Variants in ZRANB3 observed in about 807,000 individuals in gnomAD.
ZRANB3 encodes the protein zinc finger RANBP2-type containing 3, also known as DNA annealing helicase and endonuclease ZRANB3.
A neutral mutation model predicts 133.8 loss-of-function variants in ZRANB3; 125 were observed. The observed-to-expected ratio is 0.93, with a 90% CI of 0.81 to 1.08. The LOEUF (loss-of-function observed/expected upper bound fraction) is 1.08, where lower values mean the gene tolerates loss of function less well. ZRANB3 is among the 50% of genes least tolerant of loss of function. The pLI is 0.00. For missense variants in ZRANB3, 1,229 were observed against 1,275.5 expected (o/e 0.96, Z 0.56); for synonymous variants, 387 against 432.7 (o/e 0.89, Z 1.31).
intron 1 of ZRANB3, among the ~76,000 whole-genome samples, chr2:135,528,058 T>C (rs1222368765): frequency 6.6e-6 from 1 of 152,122 alleles, no homozygotes; most frequent in Non-Finnish European, 1.5e-5. Flanking sequence ...AGATGAATAG[T>C]GGTTAAGAGT....
chr2:135,285,073 G>A (rs983521855), intron 8 of ZRANB3, among the ~76,000 whole-genome samples: 5 of 149,736 alleles, frequency 3.3e-5, no homozygotes, highest in African/African-American at 1.2e-4. Context: ...TCGAACTCCC[G>A]GCCTCAGGTG....
intron 2 of ZRANB3, among the ~76,000 whole-genome samples, chr2:135,495,970 C>T (rs546801702): frequency 6.6e-6 from 1 of 152,224 alleles, no homozygotes; most frequent in African/African-American, 2.4e-5. Flanking sequence ...AGTAAGCCTA[C>T]CTAAAAATGA....
At chr2:135,371,440 A>T (rs1380020959) in intron 3 of ZRANB3, among the ~76,000 whole-genome samples, 1 of 152,142 alleles carries the variant, frequency 6.6e-6, no homozygotes, top group Non-Finnish European at 1.5e-5. Context: ...GTCTGTATCT[A>T]TCTGGGTATG....
chr2:135,406,984 G>A (rs1359009038), intron 2 of ZRANB3, among the ~76,000 whole-genome samples: 1 of 152,116 alleles, frequency 6.6e-6, no homozygotes, highest in East Asian at 1.9e-4. Context: ...CAATCAGGCA[G>A]GAGAAGGAAA....
chr2:135,368,500 A>T (rs532521652), intron 3 of ZRANB3, among the ~76,000 whole-genome samples: 98 of 152,212 alleles, frequency 6.4e-4, no homozygotes, highest in African/African-American at 2.3e-3. Flanking sequence ...AAGTTAAAAT[A>T]AAATAACAAA....
At chr2:135,260,642 A>T (rs1427201261) in intron 12 of ZRANB3, among the ~76,000 whole-genome samples, 3 of 146,842 alleles carry the variant, frequency 2.0e-5, no homozygotes, top group Non-Finnish European at 4.5e-5. Context: ...TATGTACTAT[A>T]TATGTACTAT....
chr2:135,435,684 T>G (rs1311153894), intron 2 of ZRANB3, among the ~76,000 whole-genome samples: 1 of 152,194 alleles, frequency 6.6e-6, no homozygotes, highest in East Asian at 1.9e-4. Flanking sequence ...TAATAGCCAT[T>G]CTGACTGGTG....
intron 1 of ZRANB3, chr2:135,510,730 A>C (rs1185689176): frequency 1.1e-5 from 9 of 799,224 alleles, no homozygotes; most frequent in African/African-American, 1.7e-5. Context: ...ATTCAGACAG[A>C]CCTCACCTCT....
In ZRANB3 at chr2:135,292,281, C is replaced by T. The variant is rs1459181662; in HGVS notation, c.967-16526G>A. Among the ~76,000 whole-genome samples, 29 of 152,146 alleles carry T rather than the reference C, an allele frequency of 1.9e-4. 1 individual carries two copies. Among genetic ancestry groups the T allele is most frequent in the South Asian group, 6.2e-4 (3 of 4,818 alleles). The stretch of plus-strand genomic sequence containing the variant: ...TGTTGTTTCCTGACATTTTAATGAT[C>T]GCCATTCTAACTGGTGTGAGATGGT... On this transcript the variant is annotated intron_variant, in intron 8 of 20. Transcript: ENST00000264159.
intron 6 of ZRANB3, 123 bp from the exon 7 acceptor site, chr2:135,315,653 A>C: frequency 2.8e-6 from 2 of 726,928 alleles, no homozygotes; most frequent in Non-Finnish European, 4.1e-6. Flanking sequence ...GATATTTCTG[A>C]ATGAATATTA....
intron 20 of ZRANB3, among the ~76,000 whole-genome samples, chr2:135,201,717 A>G (rs1693634970): frequency 6.6e-6 from 1 of 152,094 alleles, no homozygotes; most frequent in African/African-American, 2.4e-5. Context: ...ACATTGGCAA[A>G]GGATCTGAAA....
At chr2:135,383,462 C>T (rs1401188153) in intron 3 of ZRANB3, among the ~76,000 whole-genome samples, 3 of 152,030 alleles carry the variant, frequency 2.0e-5, no homozygotes, top group Admixed American at 6.6e-5. Flanking sequence ...ACAAGGATAT[C>T]CAGGAATTGA....
intron 2 of ZRANB3, among the ~76,000 whole-genome samples, chr2:135,394,320 T>C (rs142414618): frequency 6.6e-6 from 1 of 152,122 alleles, no homozygotes; most frequent in Non-Finnish European, 1.5e-5. Flanking sequence ...CACCTTAACA[T>C]AGATTCAAGA....
intron 3 of ZRANB3, among the ~76,000 whole-genome samples, chr2:135,367,590 A>C (rs954866400): frequency 3.9e-5 from 6 of 152,192 alleles, no homozygotes; most frequent in African/African-American, 1.4e-4. Context: ...AGAACCTAAA[A>C]AAAATAAATA....
At chr2:135,205,758 TTTG>T (rs138898278) in intron 19 of ZRANB3, among the ~76,000 whole-genome samples, 37 of 152,330 alleles carry the variant, frequency 2.4e-4, no homozygotes, top group African/African-American at 8.9e-4. Flanking sequence ...TTTGTCATAA[TTTG>T]TTGTATTAAA....
chr2:135,381,946 C>G (rs1277423881), intron 3 of ZRANB3, among the ~76,000 whole-genome samples: 1 of 152,208 alleles, frequency 6.6e-6, no homozygotes, highest in Non-Finnish European at 1.5e-5. Context: ...CTCTCCTCCT[C>G]CAGAGGAACG....
At chr2:135,526,705 A>C (rs1469689522) in intron 1 of ZRANB3, among the ~76,000 whole-genome samples, 2 of 152,190 alleles carry the variant, frequency 1.3e-5, no homozygotes, top group Non-Finnish European at 2.9e-5. Context: ...TTCTATAGTG[A>C]ATCCCCTTCC....
intron 12 of ZRANB3, among the ~76,000 whole-genome samples, chr2:135,265,006 C>A (rs1398204292): frequency 6.6e-6 from 1 of 152,128 alleles, no homozygotes; most frequent in African/African-American, 2.4e-5. Flanking sequence ...GCCTCAGCCC[C>A]CCAAAGTGCT....
At chr2:135,522,507 T>C (rs930429376) in intron 1 of ZRANB3, among the ~76,000 whole-genome samples, 2 of 152,074 alleles carry the variant, frequency 1.3e-5, no homozygotes, top group Non-Finnish European at 2.9e-5. Context: ...GCATAAAGTT[T>C]TAGAAAATCT....
Sources: gnomAD v4.1 joint callset for allele counts (sites outside exome capture counted in the v4.1 genomes callset) on GRCh38, gnomAD v4.1.1 for gene constraint, MANE v1.5 for transcripts, NCBI Gene and HGNC (gene_info 2026-07-23, HGNC 2026-07-21) for gene names.